RNF157: variants seen among roughly 807,000 people sequenced by gnomAD.
The protein encoded by RNF157 is ring finger protein 157, also known as E3 ubiquitin ligase RNF157.
RNF157 carries 55 observed loss-of-function variants against 88.3 expected under a neutral mutation model. The ratio of observed to expected loss-of-function variants is 0.62; its 90% CI spans 0.50 to 0.78. The LOEUF is 0.78. Among genes scored for constraint, RNF157 ranks in the 30% least tolerant of loss-of-function variants. The pLI, the probability that RNF157 is intolerant of heterozygous loss-of-function variation, is 0.00. For missense variants in RNF157, 788 were observed against 860.8 expected, an observed-to-expected ratio of 0.92 and a Z score of 1.06; for synonymous variants, 334 against 341.2, an observed-to-expected ratio of 0.98 and a Z score of 0.23.
At position 76,195,290 on chromosome 17, in the gene RNF157, C is replaced by T. The variant is rs550897939; in HGVS notation, c.207+17074G>A. 7.9e-5 allele frequency among the ~76,000 whole-genome samples: 12 copies of T among 152,148 alleles called. No homozygotes were observed. The highest frequency in any genetic ancestry group is 1.6e-4 in the Non-Finnish European group (11 of 68,032). ...TTAGACCCCTAGATCTTTTTCCAGA[C>T]ACCACGTAACCAGGAGATCACCTGT... On this transcript the variant is annotated intron_variant, in intron 2 of 18. Coordinates refer to ENST00000269391, the MANE Select transcript of RNF157 (RefSeq NM_052916.3). This position sits in a 1 kb window ranked among gnomAD's most constrained non-coding sequence, Gnocchi z 4.4.
intron 2 of RNF157, among the ~76,000 whole-genome samples, chr17:76,207,736 C>G (rs2069706480): frequency 6.6e-6 from 1 of 152,110 alleles, no homozygotes; most frequent in African/African-American, 2.4e-5. Context: ...AGATCTTTTG[C>G]TAGAGAGTGG....
intron 1 of RNF157, among the ~76,000 whole-genome samples, chr17:76,238,046 T>C (rs2070311464): frequency 6.6e-6 from 1 of 150,880 alleles, no homozygotes; most frequent in African/African-American, 2.4e-5. Context: ...ATTGCACCAC[T>C]TCATTCCAGC....
At chr17:76,155,358 T>A (rs1464345923) in intron 15 of RNF157, 41 bp from the exon 16 acceptor site, 1 of 1,599,394 alleles carries the variant, frequency 6.3e-7, no homozygotes, top group Non-Finnish European at 8.6e-7. Flanking sequence ...TCCATAAAGG[T>A]CTCGTGACAG....
intron 8 of RNF157, chr17:76,162,857 A>C (rs1337238636): frequency 7.6e-6 from 3 of 395,544 alleles, no homozygotes; most frequent in Non-Finnish European, 1.3e-5. Context: ...CAGGGAACAT[A>C]AAATTTCACA....
intron 1 of RNF157, chr17:76,226,414 A>G (rs112621669): frequency 1.3e-6 from 2 of 1,595,706 alleles, no homozygotes; most frequent in East Asian, 2.2e-5. Context: ...GGGGCACCTT[A>G]TTAGTCTCCT....
At position 76,146,199 on chromosome 17, in the gene RNF157, C is replaced by T; in HGVS notation, c.1922-846G>A. ...CCATCTGTAGTCACGCTAACCTGGG[C>T]TCCACTCCCAGTTTACAGCAGTGTG... On this transcript the variant is annotated intron_variant, in intron 18 of 18. Coordinates refer to ENST00000269391, the MANE Select transcript of RNF157 (RefSeq NM_052916.3). The surrounding 1 kb of genome is among the most constrained non-coding windows in gnomAD (Gnocchi z 4.2). The T allele has an allele frequency of 3.9e-6, 1 of 257,594 alleles. No individual in the cohort carries two copies. Among genetic ancestry groups the T allele is most frequent in the Non-Finnish European group, 6.1e-6 (1 of 164,754 alleles). 16.0% of individuals were successfully genotyped at this position (257,594 alleles called of 1,614,324 possible).
In RNF157 at chr17:76,240,142, C is replaced by T. The variant is rs2070354685; in HGVS notation, c.88+11G>A. 1 of 1,325,510 alleles carries T rather than the reference C, an allele frequency of 7.5e-7. No individual in the cohort carries two copies. Among genetic ancestry groups the T allele is most frequent in the Non-Finnish European group, 9.7e-7 (1 of 1,025,822 alleles). The allele number at this position is 1,325,510 out of a possible 1,614,324, so 82.1% of individuals were successfully genotyped here. A position where few individuals can be genotyped will look rare whatever the true frequency, so the allele number is the denominator to read the frequency against. On this transcript the variant is annotated intron_variant, in intron 1 of 18. Transcript: ENST00000269391. This position sits in a 1 kb window ranked among gnomAD's most constrained non-coding sequence, Gnocchi z 4.4. Reference sequence around the variant, plus strand: ...TCCCTCCTCGCGGCTGCGGCGCCCGCCCGCCCTCACCGGACTTGGGCGGGT... The same window carrying T: ...TCCCTCCTCGCGGCTGCGGCGCCCGTCCGCCCTCACCGGACTTGGGCGGGT...
intron 2 of RNF157, among the ~76,000 whole-genome samples, chr17:76,201,406 G>A (rs2069576227): frequency 6.6e-6 from 1 of 152,028 alleles, no homozygotes; most frequent in Admixed American, 6.6e-5. Context: ...CAGCTACCAG[G>A]AAGGCTGAGG....
intron 2 of RNF157, among the ~76,000 whole-genome samples, chr17:76,209,758 ATTTTTG>A (rs1428397480): frequency 1.3e-5 from 2 of 152,060 alleles, no homozygotes; most frequent in Non-Finnish European, 2.9e-5. Context: ...GGCTACTTTC[ATTTTTG>A]TTTTTGTTTT....
rs1055286638 is a variant in RNF157 at position 76,195,156 on chromosome 17, T to C, written c.207+17208A>G. Among the ~76,000 whole-genome samples the C allele has an allele frequency of 2.0e-5, 3 of 152,222 alleles. No individual in the cohort carries two copies. The East Asian group carries it at 5.8e-4, about 29-fold the overall frequency. On this transcript the variant is annotated intron_variant, in intron 2 of 18. Coordinates refer to ENST00000269391, the MANE Select transcript of RNF157 (RefSeq NM_052916.3). This position sits in a 1 kb window ranked among gnomAD's most constrained non-coding sequence, Gnocchi z 4.4. Reference sequence around the variant, plus strand: ...CGAAATCCCAAATGGCAGAAACATATTCATGTCACAGAACTCCAGACAGGC... The same window carrying C: ...CGAAATCCCAAATGGCAGAAACATACTCATGTCACAGAACTCCAGACAGGC...
At chr17:76,150,467 G>T (rs1387808661) in intron 18 of RNF157, among the ~76,000 whole-genome samples, 1 of 152,178 alleles carries the variant, frequency 6.6e-6, no homozygotes, top group African/African-American at 2.4e-5. Context: ...CACTAGCACT[G>T]TTGGCTAAAA....
chr17:76,144,153 T>A lies in RNF157; in HGVS notation c.*1082A>T, dbSNP rs1165172516. The A allele has an allele frequency of 6.6e-6, 1 of 152,196 alleles. No homozygotes were observed. Among genetic ancestry groups the A allele is most frequent in the Non-Finnish European group, 1.5e-5 (1 of 68,066 alleles). 9.4% of individuals were successfully genotyped at this position (152,196 alleles called of 1,614,324 possible). ...TGAGTGAGGATGAATTATGGTAATA[T>A]ACGACCACTCCTCACCCAGTGCTTG... On this transcript the variant is annotated 3_prime_UTR_variant, in exon 19 of 19. Coordinates refer to ENST00000269391, the MANE Select transcript of RNF157 (RefSeq NM_052916.3).
Position 76,156,239 on chromosome 17 carries a change from G to T in RNF157, c.1496C>A (p.Pro499His). 6.2e-7 allele frequency: 1 copy of T among 1,614,120 alleles called. No individual in the cohort carries two copies. The highest frequency in any genetic ancestry group is 8.5e-7 in the Non-Finnish European group (1 of 1,179,990). Reference protein sequence around the residue: ...AIDQSSCTGTPLSSTISSPEG... With the variant: ...AIDQSSCTGTHLSSTISSPEG... ...TGGGGAGGAAATAGTGGATGACAGA[G>T]GCGTCCCTGTGCAAGACGACTGGTC... The change falls in exon 14 of 19, where the codon CCT (proline) becomes CAT (histidine). Residue 499 changes from proline (P) to histidine (H), a missense_variant. Physicochemically the swap from Pro to His is moderately conservative, Grantham distance 77. Transcript: ENST00000269391.
intron 17 of RNF157, 134 bp from the exon 18 acceptor site, chr17:76,152,599 G>A (rs561059235): frequency 9.1e-5 from 58 of 639,172 alleles, no homozygotes; most frequent in East Asian, 4.0e-4. Flanking sequence ...ATAATTAAGC[G>A]GATAAAGAGT....
chr17:76,226,306 T>C (rs2070084004), intron 1 of RNF157: 2 of 1,607,788 alleles, frequency 1.2e-6, no homozygotes, highest in South Asian at 1.1e-5. Flanking sequence ...ACTGGACCCC[T>C]GGGGAAAGGG....
intron 2 of RNF157, among the ~76,000 whole-genome samples, chr17:76,186,940 A>AAAATGAAT (rs2069301226): frequency 7.1e-6 from 1 of 140,818 alleles, no homozygotes; most frequent in Admixed American, 7.2e-5. Context: ...ACTCCGACTC[A>AAAATGAAT]AAATAAATAA....
In RNF157 at chr17:76,157,156, CG is replaced by C. The variant is rs1449636097; in HGVS notation, c.1414-836del. On this transcript the variant is annotated intron_variant, in intron 13 of 18. Transcript: ENST00000269391. The surrounding 1 kb of genome is among the most constrained non-coding windows in gnomAD (Gnocchi z 5.6). ...TAATTTTTTGTATTTTTAGTAGAGACGGGGTTTCACCATGTTAGCCAGGATG... is the reference window on the plus strand; with the variant it reads ...TAATTTTTTGTATTTTTAGTAGAGACGGGTTTCACCATGTTAGCCAGGATG... 2.0e-5 allele frequency among the ~76,000 whole-genome samples: 3 copies of C among 152,044 alleles called. No individual in the cohort carries two copies. Among genetic ancestry groups the C allele is most frequent in the African/African-American group, 7.2e-5 (3 of 41,408 alleles).
intron 8 of RNF157, 113 bp downstream of exon 8, chr17:76,164,635 A>T: frequency 3.8e-6 from 2 of 524,262 alleles, no homozygotes; most frequent in Non-Finnish European, 6.5e-6. Context: ...GAGGAAAAGG[A>T]GAGAGCAAAA....
chr17:76,238,552 G>C (rs1203066806), intron 1 of RNF157, among the ~76,000 whole-genome samples: 4 of 152,138 alleles, frequency 2.6e-5, no homozygotes, highest in Admixed American at 6.5e-5. Flanking sequence ...GCCTTCCAGA[G>C]GTTTACCTAT....
Sources: gnomAD v4.1 joint callset for allele counts (sites outside exome capture counted in the v4.1 genomes callset) on GRCh38, gnomAD v4.1.1 for gene constraint, Gnocchi (gnomAD v3.1) non-coding constraint, MANE v1.5 for transcripts, NCBI Gene and HGNC (gene_info 2026-07-23, HGNC 2026-07-21) for gene names.